DDX10: variants seen among roughly 807,000 people sequenced by gnomAD.
The protein encoded by DDX10 is probable ATP-dependent RNA helicase DDX10.
In DDX10, 74 loss-of-function variants were observed where a neutral mutation model predicts 104.3. That is an observed-to-expected ratio of 0.71 (90% CI 0.59 to 0.86). The LOEUF is 0.86. DDX10 is among the 40% of genes least tolerant of loss of function. The pLI, the probability that DDX10 is intolerant of heterozygous loss-of-function variation, is 0.00. For synonymous variants in DDX10, 351 were observed against 353.4 expected (o/e 0.99, Z 0.08); for missense variants, 952 against 1,040.0 (o/e 0.92, Z 1.16).
chr11:108,806,325 TA>T (rs1442135278), intron 13 of DDX10, among the ~76,000 whole-genome samples: 1 of 152,218 alleles, frequency 6.6e-6, no homozygotes, highest in Non-Finnish European at 1.5e-5. Context: ...CTTTAACAGA[TA>T]CGTCTTTTCC....
intron 13 of DDX10, among the ~76,000 whole-genome samples, chr11:108,787,318 G>A (rs1373950770): frequency 6.6e-6 from 1 of 151,980 alleles, no homozygotes; most frequent in Non-Finnish European, 1.5e-5. Flanking sequence ...ATGACTATGT[G>A]CCTTGGAATG....
chr11:108,838,419 C>T, intron 13 of DDX10, 27 bp from the exon 14 acceptor site: 2 of 1,593,580 alleles, frequency 1.3e-6, no homozygotes, highest in African/African-American at 1.4e-5. Flanking sequence ...TCCTAATCAT[C>T]TGTGTTTTTT....
At chr11:108,693,392 T>C in intron 8 of DDX10, 124 bp from the exon 9 acceptor site, 1 of 773,858 alleles carries the variant, frequency 1.3e-6, no homozygotes, top group Non-Finnish European at 2.4e-6. Flanking sequence ...TTAATAGAGT[T>C]CATAGATGAT....
chr11:108,764,922 A>G (rs1258726855), intron 13 of DDX10, among the ~76,000 whole-genome samples: 1 of 152,218 alleles, frequency 6.6e-6, no homozygotes, highest in African/African-American at 2.4e-5. Context: ...TTCGGAATGA[A>G]AAAACCTGTT....
At chr11:108,763,805 C>G (rs1359899424) in intron 13 of DDX10, among the ~76,000 whole-genome samples, 1 of 151,970 alleles carries the variant, frequency 6.6e-6, no homozygotes, top group Non-Finnish European at 1.5e-5. Flanking sequence ...GTTTTTATTA[C>G]TAATAAACAT....
intron 16 of DDX10, among the ~76,000 whole-genome samples, chr11:108,913,699 A>C (rs958300713): frequency 6.6e-6 from 1 of 152,158 alleles, no homozygotes; most frequent in Non-Finnish European, 1.5e-5. Flanking sequence ...TATCTCTTAA[A>C]TCATTCATGA....
intron 13 of DDX10, 36 bp downstream of exon 13, chr11:108,723,498 T>C (rs1384811072): frequency 6.3e-7 from 1 of 1,577,016 alleles, no homozygotes; most frequent in Non-Finnish European, 8.6e-7. Context: ...TTCTATTACA[T>C]TGTCTTACTA....
intron 16 of DDX10, among the ~76,000 whole-genome samples, chr11:108,889,624 A>G (rs868415834): frequency 3.3e-5 from 5 of 152,160 alleles, no homozygotes; most frequent in Admixed American, 2.0e-4. Flanking sequence ...TGTAGCTCAC[A>G]TTGTAAGTTG....
chr11:108,790,074 A>G (rs1449815502), intron 13 of DDX10, among the ~76,000 whole-genome samples: 1 of 152,208 alleles, frequency 6.6e-6, no homozygotes, highest in East Asian at 1.9e-4. Context: ...TCAGGGGTTT[A>G]TAAATCTAAC....
At chr11:108,889,708 T>C (rs1333338996) in intron 16 of DDX10, among the ~76,000 whole-genome samples, 2 of 152,214 alleles carry the variant, frequency 1.3e-5, no homozygotes, top group Non-Finnish European at 2.9e-5. Context: ...TGTGCTTTTA[T>C]GGTTGCTATG....
rs1416263775 is a variant in DDX10 at position 108,716,061 on chromosome 11, A to G, written c.1410+95A>G. The G allele has an allele frequency of 1.4e-5, 10 of 727,606 alleles. No homozygotes were observed. In the East Asian group the frequency reaches 2.7e-4, roughly 20 times the overall value. The allele number at this position is 727,606 out of a possible 1,614,324, so 45.1% of individuals were successfully genotyped here. Reference sequence around the variant, plus strand: ...TCTAGGTTGCATGTTTATGCTTCAGATATTCAAGCAGTGTAATTTGCTGAC... The same window carrying G: ...TCTAGGTTGCATGTTTATGCTTCAGGTATTCAAGCAGTGTAATTTGCTGAC... On this transcript the variant is annotated intron_variant, in intron 11 of 17. Coordinates refer to ENST00000322536, the MANE Select transcript of DDX10 (RefSeq NM_004398.4).
chr11:108,788,737 C>T (rs1016350805), intron 13 of DDX10, among the ~76,000 whole-genome samples: 1 of 152,212 alleles, frequency 6.6e-6, no homozygotes, highest in African/African-American at 2.4e-5. Context: ...TTTTGGGCTG[C>T]AATCCAGTAG....
chr11:108,892,816 A>C (rs138694811), intron 16 of DDX10, among the ~76,000 whole-genome samples: 2 of 152,190 alleles, frequency 1.3e-5, no homozygotes, highest in Admixed American at 6.5e-5. Context: ...CTAAAAGGTT[A>C]ATAACCTTGG....
chr11:108,851,526 A>G (rs1044424693), intron 15 of DDX10, among the ~76,000 whole-genome samples: 8 of 151,348 alleles, frequency 5.3e-5, no homozygotes, highest in Non-Finnish European at 1.2e-4. Context: ...TAGAGAACCA[A>G]TTCAGGGATA....
At chr11:108,921,356 G>A (rs1863823520) in intron 17 of DDX10, 1 of 152,214 alleles carries the variant, frequency 6.6e-6, no homozygotes, top group African/African-American at 2.4e-5. Context: ...CGCCAGTAAA[G>A]TTTTTCTGTA....
intron 13 of DDX10, among the ~76,000 whole-genome samples, chr11:108,825,944 A>AT (rs1862390017): frequency 6.6e-6 from 1 of 152,332 alleles, no homozygotes; most frequent in African/African-American, 2.4e-5. Flanking sequence ...TGATATACAC[A>AT]TTTGGAAGGG....
At chr11:108,706,924 C>G (rs893075972) in intron 10 of DDX10, 87 bp downstream of exon 10, 2 of 1,083,714 alleles carry the variant, frequency 1.8e-6, no homozygotes, top group Middle Eastern at 2.1e-4. Context: ...TTTGCCCCTT[C>G]CCCTAATTTA....
chr11:108,815,551 G>T (rs1039410357), intron 13 of DDX10, among the ~76,000 whole-genome samples: 1 of 152,170 alleles, frequency 6.6e-6, no homozygotes, highest in Non-Finnish European at 1.5e-5. Flanking sequence ...TATTGTTCAA[G>T]GGTCAACTGT....
chr11:108,826,168 CT>C (rs1166482806), intron 13 of DDX10, among the ~76,000 whole-genome samples: 2 of 151,916 alleles, frequency 1.3e-5, no homozygotes, highest in Non-Finnish European at 2.9e-5. Flanking sequence ...GTCTGAAAAT[CT>C]TTTTTTTAAA....
Sources: allele counts gnomAD v4.1 joint callset (sites outside exome capture counted in the v4.1 genomes callset), GRCh38; gene constraint gnomAD v4.1.1; transcripts MANE v1.5; gene names NCBI Gene and HGNC (gene_info 2026-07-23, HGNC 2026-07-21).